PCCA: variants seen among roughly 807,000 people sequenced by gnomAD.
The protein encoded by PCCA is propionyl-CoA carboxylase subunit alpha, also known as propionyl-CoA carboxylase alpha chain, mitochondrial.
In PCCA, 74 loss-of-function variants were observed where a neutral mutation model predicts 101.3. The observed-to-expected ratio is 0.73, with a 90% CI of 0.61 to 0.89. The LOEUF (loss-of-function observed/expected upper bound fraction) is 0.89, where lower values mean the gene tolerates loss of function less well. Ranked by LOEUF, PCCA falls within the 40% of genes least tolerant of loss-of-function variation. The pLI is 0.00. For missense variants in PCCA, 891 were observed against 907.0 expected, an observed-to-expected ratio of 0.98 and a Z score of 0.23; for synonymous variants, 294 against 313.6, an observed-to-expected ratio of 0.94 and a Z score of 0.66.
intron 22 of PCCA, among the ~76,000 whole-genome samples, chr13:100,521,445 C>T (rs1158557573): frequency 6.6e-6 from 1 of 152,216 alleles, no homozygotes; most frequent in Non-Finnish European, 1.5e-5. Flanking sequence ...GTCTCCTGCC[C>T]GCCTGGTCTG....
chr13:100,217,116 A>C (rs866187831), intron 7 of PCCA, among the ~76,000 whole-genome samples: 13 of 151,606 alleles, frequency 8.6e-5, no homozygotes, highest in African/African-American at 2.9e-4. Context: ...TCTAAAAAAA[A>C]CAAGAATTTC....
intron 6 of PCCA, chr13:100,198,074 C>G (rs2058230698): frequency 6.6e-6 from 1 of 152,236 alleles, no homozygotes; most frequent in African/African-American, 2.4e-5. Context: ...TGTTGCACAG[C>G]TTGCCGCAGG....
intron 14 of PCCA, among the ~76,000 whole-genome samples, chr13:100,306,598 C>T (rs2066471062): frequency 6.6e-6 from 1 of 151,936 alleles, no homozygotes; most frequent in Non-Finnish European, 1.5e-5. Context: ...GTGCTATCCC[C>T]CTACCCCCCA....
chr13:100,305,069 C>A (rs1439137078), intron 14 of PCCA, among the ~76,000 whole-genome samples: 1 of 152,070 alleles, frequency 6.6e-6, no homozygotes, highest in Admixed American at 6.5e-5. Context: ...GATCTGACTT[C>A]AGATTGGTTG....
At chr13:100,420,451 G>A (rs934307348) in intron 19 of PCCA, among the ~76,000 whole-genome samples, 13 of 151,956 alleles carry the variant, frequency 8.6e-5, no homozygotes, top group South Asian at 2.1e-4. Flanking sequence ...GTGGTAGCTC[G>A]TGCCTGTAGT....
chr13:100,519,921 T>C (rs989739186), intron 22 of PCCA, among the ~76,000 whole-genome samples: 4 of 152,238 alleles, frequency 2.6e-5, no homozygotes, highest in Non-Finnish European at 5.9e-5. Context: ...TCATAGACTT[T>C]CCAGTTTCTG....
intron 18 of PCCA, among the ~76,000 whole-genome samples, chr13:100,348,157 G>A (rs149885588): frequency 3.3e-3 from 506 of 152,270 alleles, no homozygotes; most frequent in South Asian, 5.2e-3. Flanking sequence ...GGGTGTGTCC[G>A]TGAAATGTTT....
intron 1 of PCCA, among the ~76,000 whole-genome samples, chr13:100,092,137 C>G (rs1234845673): frequency 6.6e-6 from 1 of 151,804 alleles, no homozygotes; most frequent in Non-Finnish European, 1.5e-5. Context: ...TTGGCCACCT[C>G]GATCTTCTGA....
chr13:100,238,893 A>G (rs1019897706), intron 8 of PCCA, among the ~76,000 whole-genome samples: 1 of 152,124 alleles, frequency 6.6e-6, no homozygotes, highest in South Asian at 2.1e-4. Context: ...AAACCTTTGA[A>G]CCTATCCATT....
chr13:100,245,427 T>G (rs1016162962), intron 8 of PCCA, among the ~76,000 whole-genome samples: 4 of 152,208 alleles, frequency 2.6e-5, no homozygotes, highest in African/African-American at 9.7e-5. Context: ...CTATACCACA[T>G]TTTTACAGCC....
chr13:100,362,962 T>TTAA (rs1001171500), intron 18 of PCCA, among the ~76,000 whole-genome samples: 30 of 152,332 alleles, frequency 2.0e-4, no homozygotes, highest in African/African-American at 6.5e-4. Flanking sequence ...GTGATGAACT[T>TTAA]TAATGTTGGA....
At chr13:100,424,500 G>A (rs1406513879) in intron 19 of PCCA, among the ~76,000 whole-genome samples, 1 of 152,070 alleles carries the variant, frequency 6.6e-6, no homozygotes, top group Non-Finnish European at 1.5e-5. Context: ...GCCATGCTGC[G>A]CTGTTGCTGC....
chr13:100,361,357 T>C (rs1225570193), intron 18 of PCCA, among the ~76,000 whole-genome samples: 2 of 152,154 alleles, frequency 1.3e-5, no homozygotes, highest in Non-Finnish European at 2.9e-5. Flanking sequence ...ATGTTCATAA[T>C]AGAGGAATTC....
In PCCA at chr13:100,307,264, A is replaced by C; in HGVS notation, c.1353+4A>C. On this transcript the variant is annotated splice_donor_region_variant and intron_variant, in intron 15 of 23. Coordinates refer to ENST00000376285, the MANE Select transcript of PCCA (RefSeq NM_000282.4). ...TTATGATCCTATGATTTCAAAAGTT[A>C]GTTTAATTTCTCAATGGATTATTTG... The C allele has an allele frequency of 1.3e-6, 2 of 1,565,730 alleles. No homozygotes were observed.
intron 2 of PCCA, among the ~76,000 whole-genome samples, chr13:100,104,934 C>A (rs941845940): frequency 5.3e-5 from 8 of 152,026 alleles, no homozygotes; most frequent in Non-Finnish European, 8.8e-5. Flanking sequence ...GAACTCCTGA[C>A]CTCAAATGTC....
chr13:100,244,757 C>G (rs2061339202), intron 8 of PCCA, among the ~76,000 whole-genome samples: 1 of 151,954 alleles, frequency 6.6e-6, no homozygotes, highest in Admixed American at 6.6e-5. Context: ...CAGGCAAAAT[C>G]AGTTTTTCCT....
chr13:100,152,286 T>C lies in PCCA; in HGVS notation c.301-2693T>C, dbSNP rs1475318491. On this transcript the variant is annotated intron_variant, in intron 4 of 23. Coordinates refer to ENST00000376285, the MANE Select transcript of PCCA (RefSeq NM_000282.4). ...TTTATAAACAATTTGTGTTTAGTCCTTCTTTGTAAAGTCCATAGCAGTTTT... is the reference window on the plus strand; with the variant it reads ...TTTATAAACAATTTGTGTTTAGTCCCTCTTTGTAAAGTCCATAGCAGTTTT... Among the ~76,000 whole-genome samples the C allele has an allele frequency of 2.6e-5, 4 of 152,204 alleles. 1 individual carries two copies. In the East Asian group the frequency reaches 7.7e-4, roughly 29 times the overall value.
chr13:100,239,189 T>G (rs1404943032), intron 8 of PCCA, among the ~76,000 whole-genome samples: 2 of 152,202 alleles, frequency 1.3e-5, no homozygotes, highest in African/African-American at 2.4e-5. Flanking sequence ...TGCTAATTCT[T>G]GGGTTTAATC....
intron 12 of PCCA, among the ~76,000 whole-genome samples, chr13:100,292,957 G>GTGTGTGTGTGTC (rs1307386378): frequency 6.6e-6 from 1 of 151,910 alleles, no homozygotes; most frequent in Admixed American, 6.6e-5. Context: ...GTGTGTGTGT[G>GTGTGTGTGTGTC]TGTCTGTTTG....
Sources: allele counts gnomAD v4.1 joint callset (sites outside exome capture counted in the v4.1 genomes callset), GRCh38; gene constraint gnomAD v4.1.1; transcripts MANE v1.5; gene names NCBI Gene and HGNC (gene_info 2026-07-23, HGNC 2026-07-21).